Variants in HIP1R observed in about 807,000 individuals in gnomAD.
HIP1R encodes the protein huntingtin interacting protein 1 related, also known as huntingtin-interacting protein 1-related protein.
In HIP1R, 135 loss-of-function variants were observed where a neutral mutation model predicts 144.2. The ratio of observed to expected loss-of-function variants is 0.94; its 90% CI spans 0.81 to 1.08. HIP1R has a LOEUF of 1.08. HIP1R is among the 50% of genes least tolerant of loss of function. The pLI is 0.00. For missense variants in HIP1R, 1,462 were observed against 1,432.8 expected (o/e 1.02, Z -0.33); for synonymous variants, 698 against 612.8 (o/e 1.14, Z -2.05).
intron 17 of HIP1R, 35 bp from the exon 18 acceptor site, chr12:122,856,986 C>T (rs377147018): frequency 1.7e-4 from 264 of 1,542,174 alleles, no homozygotes; most frequent in Non-Finnish European, 2.1e-4. Context: ...CCTGGGAGCT[C>T]TGTTCACATG....
In HIP1R at chr12:122,858,358, T is replaced by C. The variant is rs1346891435; in HGVS notation, c.1973T>C (p.Val658Ala). 1.2e-6 allele frequency: 2 copies of C among 1,609,456 alleles called. No individual in the cohort carries two copies. The highest frequency in any genetic ancestry group is 1.7e-6 in the Non-Finnish European group (2 of 1,177,460). Residue 658 changes from valine to alanine, a missense_variant, in exon 20 of 32, where the codon GTG (valine) becomes GCG (alanine). Around this residue, in one of 2 missense-constraint regions of HIP1R, gnomAD observed 1,112 missense variants for 1,011.7 expected, o/e 1.10. Coordinates refer to ENST00000253083, the MANE Select transcript of HIP1R (RefSeq NM_003959.3). The stretch of plus-strand genomic sequence containing the variant: ...CTCCTCGTGCTTGCAGACTACCTGG[T>C]GAGCAGGGCCCAGGAGGCCTTGGAT... ...LRCTSSPDYL[V>A]SRAQEALDAV...
upstream of HIP1R, chr12:122,835,329 A>T: frequency 1.5e-6 from 1 of 682,168 alleles, no homozygotes; most frequent in African/African-American, 3.9e-5. Context: ...CGCGCCCTGG[A>T]GTTGGGGGCG....
chr12:122,835,073 G>C, upstream of HIP1R: 3 of 1,160,362 alleles, frequency 2.6e-6, no homozygotes, highest in Non-Finnish European at 3.4e-6. Flanking sequence ...GAAGGAGGAG[G>C]GAGGGGTTCC....
At chr12:122,834,962 T>G, upstream of HIP1R, 1 of 1,288,908 alleles carries the variant, frequency 7.8e-7, no homozygotes, top group Non-Finnish European at 1.0e-6. Flanking sequence ...GGAGGCCAGA[T>G]TTTCTCCAAT....
chr12:122,851,744 G>A (rs1242485652), intron 7 of HIP1R, among the ~76,000 whole-genome samples: 5 of 151,798 alleles, frequency 3.3e-5, no homozygotes, highest in Admixed American at 3.3e-4. Flanking sequence ...CACCTCCAGG[G>A]ATAGGTAATG....
At chr12:122,859,958 C>G in intron 24 of HIP1R, 89 bp from the exon 25 acceptor site, 1 of 1,468,798 alleles carries the variant, frequency 6.8e-7, no homozygotes, top group Non-Finnish European at 9.2e-7. Context: ...CCCTCCCCAC[C>G]TGCTGAGCCC....
rs747204142 is a variant in HIP1R at position 122,855,401 on chromosome 12, C to T, written c.989C>T (p.Pro330Leu). Residue 330 changes from proline (P) to leucine (L), a missense_variant, in exon 11 of 32, where the codon CCA becomes CTA. Pro to Leu is a moderately conservative substitution (Grantham distance 98). This residue lies in a region of HIP1R where 1,112 missense variants were observed against 1,011.7 expected (regional missense o/e 1.10). Coordinates refer to ENST00000253083, the MANE Select transcript of HIP1R (RefSeq NM_003959.3). The stretch of plus-strand genomic sequence containing the variant: ...AGCACAGGGCCCCCCGCGGGGGAGC[C>T]AGTGGTGAGCCCCCTGCCCAGCCCG... ...EISTGPPAGE[P>L]VVVADLFDQT... 1.0e-5 allele frequency: 16 copies of T among 1,564,590 alleles called. No individual in the cohort carries two copies. The Admixed American group carries it at 1.9e-4, about 19-fold the overall frequency.
chr12:122,854,112 T>C lies in HIP1R; in HGVS notation c.647T>C (p.Leu216Pro). The stretch of plus-strand genomic sequence containing the variant: ...TCAGGCCAGTGCCGCCTGGCCCCCC[T>C]CATCCAGGTCATCCAGGACTGCAGC... ...MSSGQCRLAP[L>P]IQVIQDCSHL... Residue 216 changes from leucine to proline, a missense_variant, in exon 8 of 32, where the codon CTC (leucine) becomes CCC (proline). Transcript: ENST00000253083. 6.2e-7 allele frequency: 1 copy of C among 1,613,762 alleles called. No individual in the cohort carries two copies. Among genetic ancestry groups the C allele is most frequent in the Non-Finnish European group, 8.5e-7 (1 of 1,179,898 alleles).
chr12:122,847,108 G>A (rs1463050256), intron 1 of HIP1R, among the ~76,000 whole-genome samples: 1 of 152,216 alleles, frequency 6.6e-6, no homozygotes, highest in Non-Finnish European at 1.5e-5. Context: ...CCCGCCCATG[G>A]CCTGGACAGC....
intron 20 of HIP1R, 126 bp downstream of exon 20, chr12:122,858,561 C>T: frequency 1.3e-6 from 1 of 759,462 alleles, no homozygotes; most frequent in Non-Finnish European, 2.1e-6. Flanking sequence ...GCAGATGCCC[C>T]CTGCCTGCTC....
intron 12 of HIP1R, 91 bp from the exon 13 acceptor site, chr12:122,855,740 G>T: frequency 1.3e-6 from 2 of 1,499,030 alleles, no homozygotes; most frequent in Non-Finnish European, 1.8e-6. Context: ...CCCAAATCCT[G>T]AGTGGCCACT....
At position 122,861,045 on chromosome 12, in the gene HIP1R, T is replaced by C. The variant is rs1303690524; in HGVS notation, c.2890+6T>C. On this transcript the variant is annotated splice_donor_region_variant and intron_variant, in intron 29 of 31. Coordinates refer to ENST00000253083, the MANE Select transcript of HIP1R (RefSeq NM_003959.3). ...GGAGCAGATTGAGGACAGAGGTGAG[T>C]GCCAGATGCCAACGGGGGCTGCTGG... The C allele has an allele frequency of 6.2e-7, 1 of 1,613,358 alleles. No individual in the cohort carries two copies. The highest frequency in any genetic ancestry group is 2.2e-5 in the East Asian group (1 of 44,854).
intron 10 of HIP1R, 37 bp from the exon 11 acceptor site, chr12:122,855,228 G>A (rs766961864): frequency 1.7e-5 from 27 of 1,611,836 alleles, no homozygotes; most frequent in Non-Finnish European, 2.2e-5. Flanking sequence ...GCTTGCTTAG[G>A]GGACAGCTGA....
intron 8 of HIP1R, 129 bp from the exon 9 acceptor site, chr12:122,854,776 G>C: frequency 1.1e-6 from 1 of 899,522 alleles, no homozygotes; most frequent in Non-Finnish European, 1.7e-6. Context: ...CCCGATGGGA[G>C]AGCGGGCCTG....
rs184666892 is a variant in HIP1R at position 122,854,838 on chromosome 12, A to G, written c.719-67A>G. 1.1e-3 allele frequency: 1,630 copies of G among 1,515,396 alleles called. 38 individuals carry two copies. In the Admixed American group the frequency reaches 0.029, roughly 27 times the overall value. 93.9% of individuals were successfully genotyped at this position (1,515,396 alleles called of 1,614,324 possible). On this transcript the variant is annotated intron_variant, in intron 8 of 31. Transcript: ENST00000253083. ...GTGAGTTTGTAGCATACGGAGGAAC[A>G]AGGCAGGGCAGGTGAGCCCCTGAGC...
chr12:122,858,134 G>A lies in HIP1R; in HGVS notation c.1848G>A (p.Leu616=), dbSNP rs778827673. 11 of 1,599,338 alleles carry A rather than the reference G, an allele frequency of 6.9e-6. No homozygotes were observed. The Admixed American group carries it at 1.8e-4, about 27-fold the overall frequency. The part of the protein sequence containing the change: ...ESQEQGLRQR[L]LDEQFAVLRG... ...AGGAGCAGGGGCTGCGGCAGAGGCT[G>A]CTGGACGAGCAGTTCGCAGTGTTGC... is the stretch of plus-strand genomic sequence containing the variant. The change falls in exon 19 of 32, where the codon CTG becomes CTA. Residue 616 remains leucine, a synonymous_variant. Coordinates refer to ENST00000253083, the MANE Select transcript of HIP1R (RefSeq NM_003959.3).
intron 1 of HIP1R, 81 bp downstream of exon 1, chr12:122,835,724 G>C (rs974128418): frequency 2.2e-4 from 205 of 940,164 alleles, no homozygotes; most frequent in Non-Finnish European, 2.5e-4. Flanking sequence ...ACGCGCGAAC[G>C]GCTGGGGCCC....
chr12:122,857,062 G>A lies in HIP1R; in HGVS notation c.1662G>A (p.Ala554=), dbSNP rs1009059780. Residue 554 remains alanine (A), a synonymous_variant, in exon 18 of 32, where the codon GCG becomes GCA. Coordinates refer to ENST00000253083, the MANE Select transcript of HIP1R (RefSeq NM_003959.3). ...GCTCACGGCTGGACACGCTGAGTGCGGAGAAGGATGCTCTGAGTGGAGCTG... is the reference window on the plus strand; with the variant it reads ...GCTCACGGCTGGACACGCTGAGTGCAGAGAAGGATGCTCTGAGTGGAGCTG... ...ELSSRLDTLS[A]EKDALSGAVR... The A allele has an allele frequency of 9.0e-6, 14 of 1,551,202 alleles. No homozygotes were observed. The highest frequency in any genetic ancestry group is 1.9e-4 in the Middle Eastern group (1 of 5,214).
At position 122,857,029 on chromosome 12, in the gene HIP1R, G is replaced by A. The variant is rs1399363824; in HGVS notation, c.1629G>A (p.Ser543=). The part of the protein sequence containing the change: ...EALSHTEQSK[S]ELSSRLDTLS... ...TCCATGTCTGTCCACAGAGCAAGTC[G>A]GAGCTGAGCTCACGGCTGGACACGC... The change falls in exon 18 of 32, where the codon TCG becomes TCA. Residue 543 remains serine, a synonymous_variant. Transcript: ENST00000253083. 1.7e-5 allele frequency: 27 copies of A among 1,549,184 alleles called. No homozygotes were observed. The African/African-American group carries it at 3.6e-4, about 20-fold the overall frequency.
Sources: allele counts gnomAD v4.1 joint callset (sites outside exome capture counted in the v4.1 genomes callset), GRCh38; gene constraint gnomAD v4.1.1; regional missense constraint gnomAD v4.1.1; transcripts MANE v1.5; gene names NCBI Gene and HGNC (gene_info 2026-07-23, HGNC 2026-07-21).